Variants in NFIL3 observed in about 807,000 individuals in gnomAD.
The protein encoded by NFIL3 is nuclear factor interleukin-3-regulated protein.
Under a neutral mutation model 10.0 loss-of-function variants are expected in NFIL3, and 5 were observed. The observed-to-expected ratio is 0.50, with a 90% CI of 0.26 to 1.06. The LOEUF is 1.06. NFIL3 is among the 50% of genes least tolerant of loss of function. NFIL3 has a pLI of 0.13. For synonymous variants in NFIL3, 202 were observed against 206.5 expected (o/e 0.98, Z 0.19); for missense variants, 436 against 547.6 (o/e 0.80, Z 2.03).
chr9:91,416,001 C>G (rs1344455977), intron 1 of NFIL3, among the ~76,000 whole-genome samples: 1 of 152,166 alleles, frequency 6.6e-6, no homozygotes, highest in Admixed American at 6.5e-5. Context: ...CTCCATCCTC[C>G]TTAGATGTTT....
rs933530655 is a variant in NFIL3, at chr9:91,412,346, A to G, written c.-172-1440T>C. On this transcript the variant is annotated intron_variant, in intron 1 of 1. Transcript: ENST00000297689. ...ATACTTACACTACAAATTTGGCCTG[A>G]CAGTTGCCTTAGCTCGAGATAATAA... Among the ~76,000 whole-genome samples the G allele has an allele frequency of 5.9e-5, 9 of 152,108 alleles. 1 individual carries two copies. Among genetic ancestry groups the G allele is most frequent in the Admixed American group, 6.5e-5 (1 of 15,274 alleles).
chr9:91,433,525 A>G, the NFIL3 span, among the ~76,000 whole-genome samples: 1 of 152,228 alleles, frequency 6.6e-6, no homozygotes, highest in Non-Finnish European at 1.5e-5. Flanking sequence ...ATTCTGGCCA[A>G]ACGGGCATAA....
At chr9:91,447,773 A>G in the NFIL3 span, among the ~76,000 whole-genome samples, 2 of 152,252 alleles carry the variant, frequency 1.3e-5, no homozygotes, top group Non-Finnish European at 2.9e-5. Flanking sequence ...TCTTTTTACC[A>G]TCCTGTAAGT....
the NFIL3 span, among the ~76,000 whole-genome samples, chr9:91,463,847 G>A: frequency 4.6e-5 from 7 of 152,156 alleles, no homozygotes; most frequent in African/African-American, 1.4e-4. Context: ...TCTATTGTTA[G>A]ATACATATAC....
the NFIL3 span, among the ~76,000 whole-genome samples, chr9:91,479,080 A>T: frequency 6.6e-6 from 1 of 152,184 alleles, no homozygotes; most frequent in Non-Finnish European, 1.5e-5. Flanking sequence ...GGTGTCCGTC[A>T]ACCCCTGCTG....
chr9:91,429,316 C>T, the NFIL3 span, among the ~76,000 whole-genome samples: 6 of 152,254 alleles, frequency 3.9e-5, no homozygotes, highest in South Asian at 2.1e-4. Flanking sequence ...ATCTGAAACC[C>T]GAGGGAGCCA....
the NFIL3 span, among the ~76,000 whole-genome samples, chr9:91,440,347 G>C: frequency 6.6e-6 from 1 of 151,890 alleles, no homozygotes; most frequent in Non-Finnish European, 1.5e-5. Context: ...TGAGGCATCC[G>C]TGTAATATCT....
At chr9:91,467,644 G>A in the NFIL3 span, among the ~76,000 whole-genome samples, 5 of 151,964 alleles carry the variant, frequency 3.3e-5, no homozygotes, top group East Asian at 1.9e-4. Flanking sequence ...CCATTAACTC[G>A]TCATCTACAT....
chr9:91,420,300 G>T (rs1035151472), intron 1 of NFIL3, among the ~76,000 whole-genome samples: 4 of 150,676 alleles, frequency 2.7e-5, no homozygotes, highest in African/African-American at 9.8e-5. Flanking sequence ...ATTCCAACAC[G>T]AATCCTTACT....
At chr9:91,468,364 G>A in the NFIL3 span, among the ~76,000 whole-genome samples, 19 of 152,184 alleles carry the variant, frequency 1.2e-4, no homozygotes, top group African/African-American at 2.4e-4. Context: ...CACATCCTTC[G>A]CCCACTTTTT....
chr9:91,471,474 G>C, the NFIL3 span, among the ~76,000 whole-genome samples: 2 of 142,818 alleles, frequency 1.4e-5, no homozygotes, highest in African/African-American at 5.3e-5. Flanking sequence ...TATCCAATTT[G>C]CCAGTCTGTG....
At chr9:91,438,795 C>G in the NFIL3 span, among the ~76,000 whole-genome samples, 4,336 of 152,240 alleles carry the variant, frequency 0.028, 96 homozygotes, top group South Asian at 0.08. Context: ...CTCTTGGTGC[C>G]TTGGTCAAAA....
chr9:91,424,131 A>G (rs1833833440), upstream of NFIL3, among the ~76,000 whole-genome samples: 1 of 151,544 alleles, frequency 6.6e-6, no homozygotes, highest in Admixed American at 6.6e-5. Flanking sequence ...GCAACGGCCC[A>G]CGCGGCCGAC....
the NFIL3 span, among the ~76,000 whole-genome samples, chr9:91,443,776 C>T: frequency 1.3e-4 from 20 of 152,316 alleles, no homozygotes; most frequent in Admixed American, 8.5e-4. Flanking sequence ...TGTTACCAGC[C>T]CCCACCAGCT....
chr9:91,454,110 T>C, the NFIL3 span, among the ~76,000 whole-genome samples: 1 of 151,564 alleles, frequency 6.6e-6, no homozygotes, highest in African/African-American at 2.4e-5. Flanking sequence ...GGCGCATGCC[T>C]GTAGTCCCAG....
the NFIL3 span, among the ~76,000 whole-genome samples, chr9:91,471,887 A>T: frequency 6.6e-6 from 1 of 152,164 alleles, no homozygotes; most frequent in African/African-American, 2.4e-5. Context: ...GAGCTCTTGT[A>T]AGACAGGCCT....
chr9:91,479,664 T>A, the NFIL3 span, among the ~76,000 whole-genome samples: 1 of 152,190 alleles, frequency 6.6e-6, no homozygotes, highest in African/African-American at 2.4e-5. Flanking sequence ...CAGTTCTGTC[T>A]TGCTGGCGTT....
the NFIL3 span, among the ~76,000 whole-genome samples, chr9:91,476,819 A>G: frequency 6.6e-6 from 1 of 152,222 alleles, no homozygotes. Flanking sequence ...AAAGCAGCTA[A>G]TGGTGAACAC....
the NFIL3 span, among the ~76,000 whole-genome samples, chr9:91,442,246 G>T: frequency 6.6e-6 from 1 of 151,988 alleles, no homozygotes; most frequent in Non-Finnish European, 1.5e-5. Flanking sequence ...TTTTCTTTTG[G>T]TACTTTAAAT....
Sources: gnomAD v4.1 joint callset for allele counts (sites outside exome capture counted in the v4.1 genomes callset) on GRCh38, gnomAD v4.1.1 for gene constraint, MANE v1.5 for transcripts, NCBI Gene and HGNC (gene_info 2026-07-23, HGNC 2026-07-21) for gene names.